Variants in MCAM observed in about 807,000 individuals in gnomAD.
MCAM encodes melanoma cell adhesion molecule.
Under a neutral mutation model 79.1 loss-of-function variants are expected in MCAM, and 55 were observed. The ratio of observed to expected loss-of-function variants is 0.70; its 90% CI spans 0.56 to 0.87. The LOEUF is 0.87. Ranked by LOEUF, MCAM falls within the 40% of genes least tolerant of loss-of-function variation. MCAM has a pLI of 0.00. For synonymous variants in MCAM, 330 were observed against 339.8 expected, an observed-to-expected ratio of 0.97 and a Z score of 0.32; for missense variants, 745 against 839.8, an observed-to-expected ratio of 0.89 and a Z score of 1.40.
Position 119,315,248 on chromosome 11 carries a change from G to C in MCAM, c.83C>G (p.Ala28Gly). ...CPRVAGVPGE[A>G]EQPAPELVEV... is the part of the protein sequence containing the mutation. ...CACCAGCTCAGGCGCAGGCTGCTCA[G>C]CCTCTCCGGGCACACCTGGGGGAGG... is the stretch of plus-strand genomic sequence containing the variant. Residue 28 changes from alanine (A) to glycine (G), a missense_variant, in exon 2 of 16, where the codon GCT becomes GGT. Transcript: ENST00000264036. The surrounding 1 kb of genome is among the most constrained non-coding windows in gnomAD (Gnocchi z 4.4). 2 of 1,610,478 alleles carry C rather than the reference G, an allele frequency of 1.2e-6. No homozygotes were observed. The highest frequency in any genetic ancestry group is 1.7e-6 in the Non-Finnish European group (2 of 1,179,786).
rs1471330257 is a variant in MCAM at position 119,313,132 on chromosome 11, A to G, written c.560-183T>C. On this transcript the variant is annotated intron_variant, in intron 5 of 15. Transcript: ENST00000264036. ...ACTTTTACTGCTCAGTGTCAACCCT[A>G]GAAAAACATTTTCATGTCTGCTCAT... 2.6e-6 allele frequency: 4 copies of G among 1,532,230 alleles called. No individual in the cohort carries two copies. The South Asian group carries it at 4.8e-5, about 18-fold the overall frequency. 94.9% of individuals were successfully genotyped at this position (1,532,230 alleles called of 1,614,324 possible).
chr11:119,313,343 C>T, intron 5 of MCAM: 2 of 1,290,548 alleles, frequency 1.5e-6, no homozygotes, highest in Admixed American at 2.3e-5. Context: ...AATTGTCTAA[C>T]AATGTATACC....
intron 3 of MCAM, 31 bp downstream of exon 3, chr11:119,314,802 C>A (rs1228947437): frequency 6.2e-7 from 1 of 1,613,242 alleles, no homozygotes; most frequent in African/African-American, 1.3e-5. Flanking sequence ...ACCACCCTCA[C>A]TACCCTGCTG....
In MCAM at chr11:119,311,378, A is replaced by C. The variant is rs1395242865; in HGVS notation, c.1451T>G (p.Leu484Arg). ...DQDPQRVLST[L>R]NVLVTPELLE... ...CAGCTCCGGGGTCACGAGGACATTCAGGGTGCTCAGGACTCGCTGTGGATC... is the reference window on the plus strand; with the variant it reads ...CAGCTCCGGGGTCACGAGGACATTCCGGGTGCTCAGGACTCGCTGTGGATC... The change falls in exon 12 of 16, where the codon CTG becomes CGG. Residue 484 changes from leucine to arginine, a missense_variant. Leu to Arg is a moderately radical substitution (Grantham distance 102). Coordinates refer to ENST00000264036, the MANE Select transcript of MCAM (RefSeq NM_006500.3). The surrounding 1 kb of genome is among the most constrained non-coding windows in gnomAD (Gnocchi z 4.4). The C allele has an allele frequency of 4.3e-6, 7 of 1,614,066 alleles. No homozygotes were observed. The highest frequency in any genetic ancestry group is 5.9e-6 in the Non-Finnish European group (7 of 1,180,044).
rs1453545518 is a variant in MCAM, at chr11:119,314,310, C to T, written c.559+179G>A. 28 of 605,218 alleles carry T rather than the reference C, an allele frequency of 4.6e-5. No homozygotes were observed. The Admixed American group carries it at 6.5e-4, about 14-fold the overall frequency. The allele number at this position is 605,218 out of a possible 1,614,324, so 37.5% of individuals were successfully genotyped here. A position where few individuals can be genotyped will look rare whatever the true frequency, so the allele number is the denominator to read the frequency against. Reference sequence around the variant, plus strand: ...ATCTGGGACCACAGGCACACACCACCATGCCTGGCTAATTTTTTTATTTTC... The same window carrying T: ...ATCTGGGACCACAGGCACACACCACTATGCCTGGCTAATTTTTTTATTTTC... On this transcript the variant is annotated intron_variant, in intron 5 of 15. Transcript: ENST00000264036.
chr11:119,309,962 G>A, intron 15 of MCAM, 47 bp from the exon 16 acceptor site: 3 of 1,503,194 alleles, frequency 2.0e-6, no homozygotes, highest in Non-Finnish European at 2.8e-6. Context: ...ACGGTGCTGA[G>A]TTGAAGGTGT....
chr11:119,312,063 G>A lies in MCAM; in HGVS notation c.1132C>T (p.Leu378=). The part of the protein sequence containing the change: ...ESSQDLEFQW[L]REETGQVLER... ...ACCCGCCTGGGTACCTCTTCTCTCA[G>A]CCACTGGAACTCGAGGTCCTGGCTA... Residue 378 remains leucine (L), a synonymous_variant, in exon 9 of 16, where the codon CTG becomes TTG. Transcript: ENST00000264036. This position sits in a 1 kb window ranked among gnomAD's most constrained non-coding sequence, Gnocchi z 4.9. The A allele has an allele frequency of 6.2e-7, 1 of 1,609,488 alleles. No homozygotes were observed. Among genetic ancestry groups the A allele is most frequent in the Non-Finnish European group, 8.5e-7 (1 of 1,177,834 alleles).
Position 119,312,507 on chromosome 11 carries a change from C to T in MCAM, c.861+20G>A, listed in dbSNP as rs759890853. 6.2e-7 allele frequency: 1 copy of T among 1,614,044 alleles called. No homozygotes were observed. The highest frequency in any genetic ancestry group is 1.1e-5 in the South Asian group (1 of 91,076). Reference sequence around the variant, plus strand: ...TCTCTGCTTGCATCCCCACCTGCACCCAGCACAAAGCCCCCACACCTGCTT... The same window carrying T: ...TCTCTGCTTGCATCCCCACCTGCACTCAGCACAAAGCCCCCACACCTGCTT... On this transcript the variant is annotated intron_variant, in intron 7 of 15. Coordinates refer to ENST00000264036, the MANE Select transcript of MCAM (RefSeq NM_006500.3). This position sits in a 1 kb window ranked among gnomAD's most constrained non-coding sequence, Gnocchi z 4.9.
rs1950226045 is a variant in MCAM, at chr11:119,311,003, C to T, written c.1645+87G>A. 8 of 1,613,864 alleles carry T rather than the reference C, an allele frequency of 5.0e-6. No homozygotes were observed. Among genetic ancestry groups the T allele is most frequent in the Non-Finnish European group, 6.8e-6 (8 of 1,179,820 alleles). On this transcript the variant is annotated intron_variant, in intron 13 of 15. Transcript: ENST00000264036. This position sits in a 1 kb window ranked among gnomAD's most constrained non-coding sequence, Gnocchi z 4.4. The stretch of plus-strand genomic sequence containing the variant: ...GGGCCGACAAGATGGGGCTGCTACT[C>T]ACCTTTCTGGACAGGGCTCTCTGGG...
chr11:119,315,225 C>T lies in MCAM; in HGVS notation c.106G>A (p.Val36Met). The T allele has an allele frequency of 1.9e-6, 3 of 1,612,466 alleles. No individual in the cohort carries two copies. Among genetic ancestry groups the T allele is most frequent in the African/African-American group, 2.7e-5 (2 of 75,036 alleles). ...GCTGTGCTGCCCACTTCCACCTCCACCAGCTCAGGCGCAGGCTGCTCAGCC... is the reference window on the plus strand; with the variant it reads ...GCTGTGCTGCCCACTTCCACCTCCATCAGCTCAGGCGCAGGCTGCTCAGCC... ...GEAEQPAPEL[V>M]EVEVGSTALL... The change falls in exon 2 of 16, where the codon GTG (valine) becomes ATG (methionine). Residue 36 changes from valine to methionine, a missense_variant. Transcript: ENST00000264036. The surrounding 1 kb of genome is among the most constrained non-coding windows in gnomAD (Gnocchi z 4.4).
At position 119,309,280 on chromosome 11, in the gene MCAM, A is replaced by ATCTT. The variant is rs2135332476; in HGVS notation, c.*602_*605dup. The stretch of plus-strand genomic sequence containing the variant: ...GCCACCACACCTGGCCCCGGCACGT[A>ATCTT]TCTTTTAAGGAATGACACCAGTTCC... On this transcript the variant is annotated 3_prime_UTR_variant, in exon 16 of 16. Transcript: ENST00000264036. The ATCTT allele has an allele frequency of 6.5e-6, 1 of 153,144 alleles. No individual in the cohort carries two copies. The highest frequency in any genetic ancestry group is 2.4e-5 in the African/African-American group (1 of 41,578). The allele number at this position is 153,144 out of a possible 1,614,324, so 9.5% of individuals were successfully genotyped here.
rs747113949 is a variant in MCAM, at chr11:119,311,874, A to C, written c.1219T>G (p.Cys407Gly). 6.2e-7 allele frequency: 1 copy of C among 1,614,106 alleles called. No homozygotes were observed. Among genetic ancestry groups the C allele is most frequent in the Non-Finnish European group, 8.5e-7 (1 of 1,180,018 alleles). ...LKREAGGGYRCVASVPSIPGL... is the reference protein window; with the variant it reads ...LKREAGGGYRGVASVPSIPGL... ...GGTATGCTGGGCACAGACGCCACGCAGCGATAGCCGCCTCCTGCCTCCCGT... is the reference window on the plus strand; with the variant it reads ...GGTATGCTGGGCACAGACGCCACGCCGCGATAGCCGCCTCCTGCCTCCCGT... Residue 407 changes from cysteine (C) to glycine (G), a missense_variant, in exon 10 of 16, where the codon TGC becomes GGC. Transcript: ENST00000264036. This position sits in a 1 kb window ranked among gnomAD's most constrained non-coding sequence, Gnocchi z 4.4.
Position 119,316,922 on chromosome 11 carries a change from G to A in MCAM, c.67+113C>T, listed in dbSNP as rs1009874937. Reference sequence around the variant, plus strand: ...CGGGGATCGGGGACCCAGGGAGGAGGCTCGTCCTCCCAGACGCAACGCCCC... The same window carrying A: ...CGGGGATCGGGGACCCAGGGAGGAGACTCGTCCTCCCAGACGCAACGCCCC... On this transcript the variant is annotated intron_variant, in intron 1 of 15. Transcript: ENST00000264036. The surrounding 1 kb of genome is among the most constrained non-coding windows in gnomAD (Gnocchi z 4.8). 1 of 875,218 alleles carries A rather than the reference G, an allele frequency of 1.1e-6. No homozygotes were observed. The highest frequency in any genetic ancestry group is 1.7e-5 in the South Asian group (1 of 58,282). The allele number at this position is 875,218 out of a possible 1,614,324, so 54.2% of individuals were successfully genotyped here.
In MCAM at chr11:119,312,059, C is replaced by A; in HGVS notation, c.1136G>T (p.Arg379Ile). 9 of 1,607,700 alleles carry A rather than the reference C, an allele frequency of 5.6e-6. No individual in the cohort carries two copies. The highest frequency in any genetic ancestry group is 6.8e-6 in the Non-Finnish European group (8 of 1,177,662). Reference sequence around the variant, plus strand: ...CCAGACCCGCCTGGGTACCTCTTCTCTCAGCCACTGGAACTCGAGGTCCTG... The same window carrying A: ...CCAGACCCGCCTGGGTACCTCTTCTATCAGCCACTGGAACTCGAGGTCCTG... ...SSQDLEFQWL[R>I]EETGQVLERG... The change falls in exon 9 of 16, where the codon AGA becomes ATA. Residue 379 changes from arginine to isoleucine, a missense_variant. Coordinates refer to ENST00000264036, the MANE Select transcript of MCAM (RefSeq NM_006500.3). The surrounding 1 kb of genome is among the most constrained non-coding windows in gnomAD (Gnocchi z 4.9).
chr11:119,312,359 G>T lies in MCAM; in HGVS notation c.931C>A (p.Arg311=), dbSNP rs200709459. 1 of 1,614,016 alleles carries T rather than the reference G, an allele frequency of 6.2e-7. No individual in the cohort carries two copies. Among genetic ancestry groups the T allele is most frequent in the East Asian group, 2.2e-5 (1 of 44,856 alleles). The change falls in exon 8 of 16, where the codon CGG becomes AGG. Residue 311 remains arginine, a synonymous_variant. Transcript: ENST00000264036. This position sits in a 1 kb window ranked among gnomAD's most constrained non-coding sequence, Gnocchi z 4.9. ...TCATAGCGCCCACTGTGTTCCTTCC[G>T]GGCAGGCTCCAGCACCAGGACCCCG... ...DNGVLVLEPA[R]KEHSGRYECQ... is the part of the protein sequence containing the mutation.
At position 119,315,038 on chromosome 11, in the gene MCAM, G is replaced by C. The variant is rs35929108; in HGVS notation, c.195C>G (p.Val65=). The C allele has an allele frequency of 6.2e-7, 1 of 1,608,340 alleles. No individual in the cohort carries two copies. Among genetic ancestry groups the C allele is most frequent in the East Asian group, 2.2e-5 (1 of 44,856 alleles). ...AGATGAGCGTCCGCTTCTCCTTGTG[G>C]ACCTAATGGGAGGAGACACAGAGGA... The part of the protein sequence containing the change: ...GNLSHVDWFS[V]HKEKRTLIFR... The change falls in exon 3 of 16, where the codon GTC becomes GTG. Residue 65 remains valine (V), a splice_region_variant and synonymous_variant. Transcript: ENST00000264036. This position sits in a 1 kb window ranked among gnomAD's most constrained non-coding sequence, Gnocchi z 4.4.
At position 119,315,187 on chromosome 11, in the gene MCAM, G is replaced by T; in HGVS notation, c.144C>A (p.Cys48Ter). 1 of 1,613,290 alleles carries T rather than the reference G, an allele frequency of 6.2e-7. No individual in the cohort carries two copies. The highest frequency in any genetic ancestry group is 8.5e-7 in the Non-Finnish European group (1 of 1,179,986). The change falls in exon 2 of 16, where the codon TGC becomes TGA. Residue 48 changes from cysteine to a stop codon, truncating the protein, a stop_gained. Coordinates refer to ENST00000264036, the MANE Select transcript of MCAM (RefSeq NM_006500.3). LOFTEE classifies it high-confidence loss of function. The surrounding 1 kb of genome is among the most constrained non-coding windows in gnomAD (Gnocchi z 4.4). The part of the protein sequence containing the change: ...VEVGSTALLK[C>*]GLSQSQGNLS... Reference sequence around the variant, plus strand: ...GGTTGCCTTGGGACTGGGAGAGGCCGCACTTCAGAAGGGCTGTGCTGCCCA... The same window carrying T: ...GGTTGCCTTGGGACTGGGAGAGGCCTCACTTCAGAAGGGCTGTGCTGCCCA...
At chr11:119,313,568 C>A (rs1950266277) in intron 5 of MCAM, 2 of 314,472 alleles carry the variant, frequency 6.4e-6, no homozygotes, top group African/African-American at 2.2e-5. Flanking sequence ...CGCCCGGCTA[C>A]TTTTGTATTT....
chr11:119,310,669 C>T (rs1950218109), intron 14 of MCAM, 87 bp downstream of exon 14: 2 of 1,464,936 alleles, frequency 1.4e-6, no homozygotes, highest in Non-Finnish European at 1.9e-6. Flanking sequence ...GGCCCCACTC[C>T]TGCTGTCAAG....
Sources: gnomAD v4.1 joint callset for allele counts on GRCh38, gnomAD v4.1.1 for gene constraint, Gnocchi (gnomAD v3.1) non-coding constraint, MANE v1.5 for transcripts, NCBI Gene and HGNC (gene_info 2026-07-23, HGNC 2026-07-21) for gene names.